The following CNDP1 variants were observed in gnomAD, a reference collection of about 807,000 sequenced individuals.
CNDP1 encodes beta-Ala-His dipeptidase.
In CNDP1, 44 loss-of-function variants were observed where a neutral mutation model predicts 58.1. The observed-to-expected ratio is 0.76, with a 90% CI of 0.60 to 0.97. CNDP1 has a LOEUF of 0.97. Ranked by LOEUF, CNDP1 falls within the 50% of genes least tolerant of loss-of-function variation. The pLI, the probability that CNDP1 is intolerant of heterozygous loss-of-function variation, is 0.00. For synonymous variants in CNDP1, 254 were observed against 252.6 expected, an observed-to-expected ratio of 1.01 and a Z score of -0.05; for missense variants, 616 against 655.1, an observed-to-expected ratio of 0.94 and a Z score of 0.65.
rs764460174 is a variant in CNDP1 at position 74,583,625 on chromosome 18, G to A, written c.1374G>A (p.Gln458=). 1.4e-5 allele frequency: 23 copies of A among 1,614,146 alleles called. No homozygotes were observed. The highest frequency in any genetic ancestry group is 1.9e-5 in the Non-Finnish European group (23 of 1,180,014). Reference sequence around the variant, plus strand: ...CCATTCCAATTGCCAAAATGTTCCAGGAGATCGTCCACAAGAGCGTGGTGC... The same window carrying A: ...CCATTCCAATTGCCAAAATGTTCCAAGAGATCGTCCACAAGAGCGTGGTGC... ...GSTIPIAKMF[Q]EIVHKSVVLI... is the part of the protein sequence containing the mutation. Residue 458 remains glutamine (Q), a synonymous_variant, in exon 11 of 12, where the codon CAG becomes CAA. Coordinates refer to ENST00000358821, the MANE Select transcript of CNDP1 (RefSeq NM_032649.6).
chr18:74,566,801 AT>A (rs1315123525), intron 5 of CNDP1, among the ~76,000 whole-genome samples: 2 of 152,162 alleles, frequency 1.3e-5, no homozygotes, highest in Non-Finnish European at 2.9e-5. Flanking sequence ...TTGCTTCCAA[AT>A]TTTTGGGTAT....
intron 1 of CNDP1, among the ~76,000 whole-genome samples, chr18:74,555,996 T>C (rs968289734): frequency 6.6e-6 from 1 of 152,136 alleles, no homozygotes; most frequent in Non-Finnish European, 1.5e-5. Context: ...CTCTTTTCTC[T>C]CTTGTAAAGA....
chr18:74,579,490 G>A (rs554207252), intron 9 of CNDP1, among the ~76,000 whole-genome samples: 6 of 151,812 alleles, frequency 4.0e-5, no homozygotes, highest in East Asian at 1.9e-4. Context: ...AGCTGTATCC[G>A]CAGCACCTAG....
At position 74,584,600 on chromosome 18, in the gene CNDP1, G is replaced by A; in HGVS notation, c.*38G>A. On this transcript the variant is annotated 3_prime_UTR_variant, in exon 12 of 12. Coordinates refer to ENST00000358821, the MANE Select transcript of CNDP1 (RefSeq NM_032649.6). ...TCTAGTCTGATCTGATCCACTGACA[G>A]ATTCACCTCCCCCACATCCCTAGAC... is the stretch of plus-strand genomic sequence containing the variant. 6.8e-7 allele frequency: 1 copy of A among 1,477,710 alleles called. No homozygotes were observed. The allele number at this position is 1,477,710 out of a possible 1,614,324, so 91.5% of individuals were successfully genotyped here.
At chr18:74,572,250 C>T (rs1301573083) in intron 7 of CNDP1, among the ~76,000 whole-genome samples, 4 of 152,036 alleles carry the variant, frequency 2.6e-5, no homozygotes, top group Non-Finnish European at 4.4e-5. Context: ...TGCTCAGGCT[C>T]AATTCACCTA....
chr18:74,584,228 C>G (rs1179122583), intron 11 of CNDP1: 1 of 457,436 alleles, frequency 2.2e-6, no homozygotes, highest in Non-Finnish European at 4.0e-6. Flanking sequence ...AATTGTTTGA[C>G]CCTGATATCC....
intron 7 of CNDP1, among the ~76,000 whole-genome samples, chr18:74,575,012 G>A (rs1242414176): frequency 1.3e-5 from 2 of 148,796 alleles, no homozygotes; most frequent in Non-Finnish European, 3.0e-5. Flanking sequence ...AGGAAAGGAG[G>A]GGAAGGAAAG....
chr18:74,572,807 A>G (rs1007006120), intron 7 of CNDP1, among the ~76,000 whole-genome samples: 12 of 140,098 alleles, frequency 8.6e-5, no homozygotes, highest in Admixed American at 2.2e-4. Flanking sequence ...AAAAAAAAAA[A>G]AAAAGAAAGA....
At position 74,534,549 on chromosome 18, in the gene CNDP1, A is replaced by G. The variant is rs979978340; in HGVS notation, c.-119A>G. 4.8e-6 allele frequency: 5 copies of G among 1,038,626 alleles called. No individual in the cohort carries two copies. The African/African-American group carries it at 7.8e-5, about 16-fold the overall frequency. The allele number at this position is 1,038,626 out of a possible 1,614,324, so 64.3% of individuals were successfully genotyped here. ...AGCCTCGTCTTCCTTCCGGGGGACA[A>G]CGTGGGTCAGGGCACAGAGAGATAT... is the stretch of plus-strand genomic sequence containing the variant. On this transcript the variant is annotated 5_prime_UTR_variant, in exon 1 of 12. Coordinates refer to ENST00000358821, the MANE Select transcript of CNDP1 (RefSeq NM_032649.6).
At chr18:74,574,837 C>A (rs1170268367) in intron 7 of CNDP1, 8 of 152,252 alleles carry the variant, frequency 5.3e-5, no homozygotes, top group African/African-American at 1.9e-4. Flanking sequence ...AGTGACTGAG[C>A]CGTACTCCAC....
intron 1 of CNDP1, among the ~76,000 whole-genome samples, chr18:74,549,811 A>G (rs894890346): frequency 1.3e-5 from 2 of 152,196 alleles, no homozygotes; most frequent in Admixed American, 6.5e-5. Context: ...CTGGGACAGC[A>G]CTGCTCTGTA....
intron 9 of CNDP1, among the ~76,000 whole-genome samples, chr18:74,579,512 G>A (rs1981734131): frequency 6.6e-6 from 1 of 151,944 alleles, no homozygotes; most frequent in African/African-American, 2.4e-5. Context: ...ACAGTCTCTG[G>A]GACATGACAC....
intron 1 of CNDP1, 139 bp from the exon 2 acceptor site, chr18:74,556,199 T>C (rs2144652085): frequency 1.1e-6 from 1 of 874,300 alleles, no homozygotes; most frequent in African/African-American, 1.7e-5. Context: ...TGTTTGGTTC[T>C]ACCGCCTTGT....
chr18:74,577,186 C>T, intron 8 of CNDP1, 157 bp downstream of exon 8: 1 of 626,230 alleles, frequency 1.6e-6, no homozygotes. Context: ...ACAGCCACTT[C>T]CCCGTGGGCT....
chr18:74,550,762 GT>G (rs1980884505), intron 1 of CNDP1, among the ~76,000 whole-genome samples: 2 of 149,558 alleles, frequency 1.3e-5, no homozygotes, highest in Non-Finnish European at 3.0e-5. Flanking sequence ...TTTGTTTTTT[GT>G]TTTTTGTTTT....
chr18:74,577,222 C>G (rs9953129), intron 8 of CNDP1, 193 bp downstream of exon 8: 264,738 of 434,742 alleles, frequency 0.61, 81,885 homozygotes, highest in East Asian at 0.73. Context: ...TTTTCAATGG[C>G]GTCTAATTGG....
chr18:74,547,195 T>G (rs1980782822), intron 1 of CNDP1, among the ~76,000 whole-genome samples: 1 of 152,210 alleles, frequency 6.6e-6, no homozygotes, highest in Admixed American at 6.5e-5. Flanking sequence ...TAATAAAACA[T>G]TCTTTTCTGT....
intron 10 of CNDP1, among the ~76,000 whole-genome samples, chr18:74,582,343 A>G (rs866609461): frequency 8.5e-5 from 13 of 152,284 alleles, no homozygotes; most frequent in African/African-American, 3.1e-4. Context: ...ATCCCACTCC[A>G]TCACTGGCAG....
rs1980740882 is a variant in CNDP1 at position 74,545,660 on chromosome 18, C to T, written c.25-10678C>T. ...ACTCCCCACTCCCTCCGACCCTCCT[C>T]CTCCTCTCTGCTGTTCTGCGGCCGG... On this transcript the variant is annotated intron_variant, in intron 1 of 11. Coordinates refer to ENST00000358821, the MANE Select transcript of CNDP1 (RefSeq NM_032649.6). This position sits in a 1 kb window ranked among gnomAD's most constrained non-coding sequence, Gnocchi z 4.1. 6.6e-6 allele frequency among the ~76,000 whole-genome samples: 1 copy of T among 152,136 alleles called. No individual in the cohort carries two copies. Among genetic ancestry groups the T allele is most frequent in the African/African-American group, 2.4e-5 (1 of 41,414 alleles).
Sources: gnomAD v4.1 joint callset for allele counts (sites outside exome capture counted in the v4.1 genomes callset) on GRCh38, gnomAD v4.1.1 for gene constraint, Gnocchi (gnomAD v3.1) non-coding constraint, MANE v1.5 for transcripts, NCBI Gene and HGNC (gene_info 2026-07-23, HGNC 2026-07-21) for gene names.